Variants in TVP23A observed in about 807,000 individuals in gnomAD.
TVP23A encodes Golgi apparatus membrane protein TVP23 homolog A.
Under a neutral mutation model 31.7 loss-of-function variants are expected in TVP23A, and 21 were observed. The ratio of observed to expected loss-of-function variants is 0.66; its 90% confidence interval spans 0.47 to 0.95. The LOEUF is 0.95. Among genes scored for constraint, TVP23A ranks in the 40% least tolerant of loss-of-function variants. The pLI is 0.00. For synonymous variants in TVP23A, 104 were observed against 96.0 expected (o/e 1.08, Z -0.49); for missense variants, 279 against 255.6 (o/e 1.09, Z -0.62).
chr16:10,773,296 T>A lies in TVP23A; in HGVS notation c.453+17A>T, dbSNP rs2031760515. ...CAGAGACATCAAAGCAATGTGGAAG[T>A]CAAGATCTGGCCTTACCAGCCACTT... On this transcript the variant is annotated intron_variant, in intron 5 of 7. Transcript: ENST00000299866. The A allele has an allele frequency of 1.9e-6, 3 of 1,584,772 alleles. No homozygotes were observed. The South Asian group carries it at 3.5e-5, about 19-fold the overall frequency.
Position 10,818,514 on chromosome 16 carries a change from T to C in TVP23A, c.-21A>G. 2 of 1,601,844 alleles carry C rather than the reference T, an allele frequency of 1.2e-6. No individual in the cohort carries two copies. The highest frequency in any genetic ancestry group is 1.7e-6 in the Non-Finnish European group (2 of 1,178,202). On this transcript the variant is annotated 5_prime_UTR_variant, in exon 1 of 8. Coordinates refer to ENST00000299866, the MANE Select transcript of TVP23A (RefSeq NM_001079512.4). This position sits in a 1 kb window ranked among gnomAD's most constrained non-coding sequence, Gnocchi z 4.7. ...TTCATCACCCTCCCAGGAGCCCACC[T>C]GGCGCCCAGGCCCGGGGCTCCAGCT...
intron 6 of TVP23A, 30 bp from the exon 7 acceptor site, chr16:10,770,361 C>T (rs1487300702): frequency 2.6e-6 from 4 of 1,549,526 alleles, no homozygotes; most frequent in Non-Finnish European, 3.5e-6. Context: ...CCATGGTTTT[C>T]TGTCCTTACA....
chr16:10,774,932 A>G lies in TVP23A; in HGVS notation c.234+20T>C. On this transcript the variant is annotated intron_variant, in intron 3 of 7. Coordinates refer to ENST00000299866, the MANE Select transcript of TVP23A (RefSeq NM_001079512.4). ...AGCCTCGTGTTTCGGAAGTGATGAC[A>G]TCACACGAAAGGGCCTCACCTTCAC... 1 of 1,608,130 alleles carries G rather than the reference A, an allele frequency of 6.2e-7. No homozygotes were observed. The highest frequency in any genetic ancestry group is 1.7e-5 in the Admixed American group (1 of 59,570).
intron 2 of TVP23A, among the ~76,000 whole-genome samples, chr16:10,814,858 T>C (rs917414615): frequency 7.2e-5 from 11 of 152,158 alleles, no homozygotes; most frequent in African/African-American, 2.7e-4. Flanking sequence ...AGCTTGGAGC[T>C]TGGTTGCTAA....
At chr16:10,769,428 G>A (rs559548776) in intron 7 of TVP23A, 12 of 280,978 alleles carry the variant, frequency 4.3e-5, no homozygotes, top group East Asian at 3.9e-4. Context: ...AAGCTTAGTC[G>A]ATTGTAGAAA....
downstream of TVP23A, among the ~76,000 whole-genome samples, chr16:10,763,235 A>C (rs1478445733): frequency 6.6e-6 from 1 of 152,006 alleles, no homozygotes; most frequent in Non-Finnish European, 1.5e-5. Context: ...AAGGTGGTTC[A>C]TGTCCGTGCA....
At chr16:10,762,801 T>G (rs1395874171), downstream of TVP23A, among the ~76,000 whole-genome samples, 10 of 113,396 alleles carry the variant, frequency 8.8e-5, no homozygotes, top group Admixed American at 2.7e-4. Context: ...CAGGAGAGGG[T>G]GGGGGCCGCG....
downstream of TVP23A, chr16:10,761,204 T>G (rs1809037946): frequency 1.0e-5 from 6 of 579,380 alleles, no homozygotes; most frequent in East Asian, 3.1e-5. Flanking sequence ...CAGTTCGAGC[T>G]GAGATTTGGA....
intron 4 of TVP23A, among the ~76,000 whole-genome samples, 200 bp from the exon 5 acceptor site, chr16:10,773,641 G>C (rs2031788213): frequency 6.6e-6 from 1 of 152,152 alleles, no homozygotes; most frequent in African/African-American, 2.4e-5. Flanking sequence ...CGTGATCTTG[G>C]CTCACTGGAA....
chr16:10,818,531 G>T lies in TVP23A; in HGVS notation c.-38C>A. ...AGCCCACCTGGCGCCCAGGCCCGGG[G>T]CTCCAGCTCCGCCCGTCGCCGCTGA... On this transcript the variant is annotated 5_prime_UTR_variant, in exon 1 of 8. Transcript: ENST00000299866. This position sits in a 1 kb window ranked among gnomAD's most constrained non-coding sequence, Gnocchi z 4.7. 6.3e-7 allele frequency: 1 copy of T among 1,595,910 alleles called. No homozygotes were observed.
chr16:10,784,345 A>G (rs2032609782), intron 2 of TVP23A, among the ~76,000 whole-genome samples: 1 of 151,774 alleles, frequency 6.6e-6, no homozygotes, highest in African/African-American at 2.4e-5. Context: ...AAGAAAAAAT[A>G]TCAACCTGGG....
At chr16:10,809,116 C>G (rs2034077348) in intron 2 of TVP23A, among the ~76,000 whole-genome samples, 1 of 152,218 alleles carries the variant, frequency 6.6e-6, no homozygotes, top group African/African-American at 2.4e-5. Context: ...CTGAAGCCCA[C>G]AAGGGGCATC....
Position 10,818,081 on chromosome 16 carries a change from C to T in TVP23A, c.89+22G>A. On this transcript the variant is annotated intron_variant, in intron 2 of 7. Transcript: ENST00000299866. This position sits in a 1 kb window ranked among gnomAD's most constrained non-coding sequence, Gnocchi z 4.7. ...ATTTGCAGCTTTGGGGAACGCCTGACCCAAGCTCCATCCCAACACACCTGA... is the reference window on the plus strand; with the variant it reads ...ATTTGCAGCTTTGGGGAACGCCTGATCCAAGCTCCATCCCAACACACCTGA... 3 of 1,594,648 alleles carry T rather than the reference C, an allele frequency of 1.9e-6. No individual in the cohort carries two copies. The highest frequency in any genetic ancestry group is 2.6e-6 in the Non-Finnish European group (3 of 1,168,470).
intron 7 of TVP23A, 126 bp from the exon 8 acceptor site, chr16:10,769,227 TG>T (rs1371998465): frequency 3.9e-6 from 3 of 778,122 alleles, no homozygotes; most frequent in Non-Finnish European, 6.5e-6. Flanking sequence ...GATGCTGGTG[TG>T]GTCCGAAGCC....
At chr16:10,813,883 CA>C (rs2034312158) in intron 2 of TVP23A, among the ~76,000 whole-genome samples, 2 of 151,766 alleles carry the variant, frequency 1.3e-5, no homozygotes, top group African/African-American at 2.4e-5. Flanking sequence ...CCTGTAATCC[CA>C]GCTACTCAGG....
chr16:10,814,499 G>C (rs74007556), intron 2 of TVP23A, among the ~76,000 whole-genome samples: 1 of 152,036 alleles, frequency 6.6e-6, no homozygotes, highest in Admixed American at 6.6e-5. Context: ...AAGGCGGGCC[G>C]ATTCTACCTC....
chr16:10,760,480 T>G (rs1160925399), downstream of TVP23A, among the ~76,000 whole-genome samples: 1 of 152,240 alleles, frequency 6.6e-6, no homozygotes, highest in Non-Finnish European at 1.5e-5. Context: ...GCACAGTGGC[T>G]CACGCCTCTA....
intron 2 of TVP23A, among the ~76,000 whole-genome samples, chr16:10,781,001 T>G (rs1181969902): frequency 3.3e-5 from 5 of 152,060 alleles, no homozygotes; most frequent in Non-Finnish European, 7.4e-5. Context: ...CCACACAGTA[T>G]CCAACATCCC....
chr16:10,803,599 A>G lies in TVP23A; in HGVS notation c.89+14504T>C, dbSNP rs184497662. Among the ~76,000 whole-genome samples, 102 of 152,326 alleles carry G rather than the reference A, an allele frequency of 6.7e-4. 1 individual carries two copies. Among genetic ancestry groups the G allele is most frequent in the African/African-American group, 2.3e-3 (97 of 41,580 alleles). ...GACCACTGTCTAATGAGAATGGCCA[A>G]CGGTGCAGGGTCCCATCAGCTGGTC... is the stretch of plus-strand genomic sequence containing the variant. On this transcript the variant is annotated intron_variant, in intron 2 of 7. Coordinates refer to ENST00000299866, the MANE Select transcript of TVP23A (RefSeq NM_001079512.4).
Sources: gnomAD v4.1 joint callset for allele counts (sites outside exome capture counted in the v4.1 genomes callset) on GRCh38, gnomAD v4.1.1 for gene constraint, Gnocchi (gnomAD v3.1) non-coding constraint, MANE v1.5 for transcripts, NCBI Gene and HGNC (gene_info 2026-07-23, HGNC 2026-07-21) for gene names.